Variants in TRHDE observed in about 807,000 individuals in gnomAD.
TRHDE encodes the protein thyrotropin releasing hormone degrading enzyme, also known as thyrotropin-releasing hormone-degrading ectoenzyme.
In TRHDE, 72 loss-of-function variants were observed where a neutral mutation model predicts 125.7. The observed-to-expected ratio is 0.57, with a 90% CI of 0.47 to 0.70. The LOEUF (loss-of-function observed/expected upper bound fraction) is 0.70, where lower values mean the gene tolerates loss of function less well. TRHDE is among the 30% of genes least tolerant of loss of function. The pLI is 0.00. For missense variants in TRHDE, 1,110 were observed against 1,327.1 expected, an observed-to-expected ratio of 0.84 and a Z score of 2.54; for synonymous variants, 509 against 509.1, an observed-to-expected ratio of 1.00 and a Z score of 0.00.
Position 72,337,723 on chromosome 12 carries a change from G to A in TRHDE, c.1189-40272G>A, listed in dbSNP as rs1448874459. Among the ~76,000 whole-genome samples, 5 of 151,984 alleles carry A rather than the reference G, an allele frequency of 3.3e-5. No homozygotes were observed. The East Asian group carries it at 9.7e-4, about 29-fold the overall frequency. On this transcript the variant is annotated intron_variant, in intron 2 of 18. Coordinates refer to ENST00000261180, the MANE Select transcript of TRHDE (RefSeq NM_013381.3). ...TTGAGTCAGACGAGTTCCTGCTTAT[G>A]TCTTTTGCTGGTCTAGATTCACTGC...
At chr12:72,150,245 T>C (rs1371602959) in intron 2 of TRHDE, among the ~76,000 whole-genome samples, 2 of 152,016 alleles carry the variant, frequency 1.3e-5, no homozygotes, top group Admixed American at 1.3e-4. Context: ...CATTAACTAG[T>C]GTGGTCAAAA....
intron 3 of TRHDE, among the ~76,000 whole-genome samples, chr12:72,380,803 C>T (rs899866796): frequency 7.2e-6 from 1 of 139,046 alleles, no homozygotes; most frequent in East Asian, 2.2e-4. Flanking sequence ...TCCTTCCTTC[C>T]TTCCTTCCTT....
intron 2 of TRHDE, among the ~76,000 whole-genome samples, chr12:72,203,287 C>T (rs966971714): frequency 6.6e-6 from 1 of 151,968 alleles, no homozygotes; most frequent in African/African-American, 2.4e-5. Flanking sequence ...CGGTGAAATC[C>T]CGTCTCTACT....
intron 3 of TRHDE, among the ~76,000 whole-genome samples, chr12:72,423,436 A>T (rs534293097): frequency 2.0e-4 from 31 of 152,262 alleles, no homozygotes; most frequent in African/African-American, 7.5e-4. Context: ...AATTCTGTTC[A>T]TCTCTTAAGG....
intron 2 of TRHDE, among the ~76,000 whole-genome samples, chr12:72,157,172 A>G (rs1390268540): frequency 6.7e-6 from 1 of 150,240 alleles, no homozygotes; most frequent in East Asian, 1.9e-4. Flanking sequence ...CAGTGGCGTG[A>G]TCTCAGCTCA....
chr12:72,192,812 A>G (rs1877366511), intron 2 of TRHDE, among the ~76,000 whole-genome samples: 1 of 152,122 alleles, frequency 6.6e-6, no homozygotes, highest in Non-Finnish European at 1.5e-5. Context: ...CTATTTTGCT[A>G]GTTGTTATCT....
At chr12:72,376,412 A>T (rs1239760641) in intron 2 of TRHDE, among the ~76,000 whole-genome samples, 1 of 152,090 alleles carries the variant, frequency 6.6e-6, no homozygotes, top group Non-Finnish European at 1.5e-5. Flanking sequence ...GGGGTAGGGG[A>T]TCCTAACCAC....
chr12:72,449,867 C>A (rs1464816905), intron 3 of TRHDE, among the ~76,000 whole-genome samples: 1 of 151,860 alleles, frequency 6.6e-6, no homozygotes, highest in Admixed American at 6.6e-5. Context: ...ATATTACCTC[C>A]TTTTTCTCCA....
intron 2 of TRHDE, among the ~76,000 whole-genome samples, chr12:72,258,485 G>T (rs4544048): frequency 0.19 from 29,169 of 151,928 alleles, 2,984 homozygotes; most frequent in Middle Eastern, 0.32. Context: ...TATAACTTTA[G>T]AGCTGCACAG....
At chr12:72,195,569 C>T (rs941421891) in intron 2 of TRHDE, among the ~76,000 whole-genome samples, 1 of 151,800 alleles carries the variant, frequency 6.6e-6, no homozygotes, top group Non-Finnish European at 1.5e-5. Flanking sequence ...CTGTTCATGT[C>T]TTTTGACCAT....
chr12:72,388,805 T>A (rs181423722), intron 3 of TRHDE, among the ~76,000 whole-genome samples: 141 of 151,982 alleles, frequency 9.3e-4, no homozygotes, highest in African/African-American at 3.0e-3. Flanking sequence ...TTATCATAGC[T>A]ATCCTATGGT....
chr12:72,088,756 T>C (rs1489958253), intron 1 of TRHDE, among the ~76,000 whole-genome samples: 2 of 152,134 alleles, frequency 1.3e-5, no homozygotes, highest in Non-Finnish European at 2.9e-5. Context: ...ATTGAAGCAT[T>C]GTAGGGCTCA....
At chr12:72,365,770 G>T (rs570279295) in intron 2 of TRHDE, among the ~76,000 whole-genome samples, 62 of 152,152 alleles carry the variant, frequency 4.1e-4, no homozygotes, top group Non-Finnish European at 8.1e-4. Context: ...CATTGCAGCC[G>T]TAAGAAATTT....
chr12:72,648,350 A>G (rs1874367623), intron 15 of TRHDE, among the ~76,000 whole-genome samples: 2 of 152,012 alleles, frequency 1.3e-5, no homozygotes, highest in African/African-American at 4.8e-5. Context: ...AAATCAGAAT[A>G]CCTCCTTTAA....
intron 2 of TRHDE, among the ~76,000 whole-genome samples, chr12:72,128,992 T>C (rs543117159): frequency 6.6e-6 from 1 of 152,276 alleles, no homozygotes; most frequent in East Asian, 1.9e-4. Flanking sequence ...ACATCATAAT[T>C]AAACTGCTCA....
chr12:72,413,274 A>C (rs915226850), intron 3 of TRHDE, among the ~76,000 whole-genome samples: 1 of 151,964 alleles, frequency 6.6e-6, no homozygotes, highest in African/African-American at 2.4e-5. Context: ...ATAGGTTTCT[A>C]GGCTTTTTAG....
intron 2 of TRHDE, among the ~76,000 whole-genome samples, chr12:72,131,314 C>T (rs553977495): frequency 1.0e-3 from 152 of 151,782 alleles, no homozygotes; most frequent in Non-Finnish European, 1.7e-3. Flanking sequence ...CCTTGTGATC[C>T]GCCCGCCTCG....
intron 2 of TRHDE, among the ~76,000 whole-genome samples, chr12:72,291,007 A>G (rs1165889143): frequency 6.6e-6 from 1 of 152,228 alleles, no homozygotes; most frequent in African/African-American, 2.4e-5. Flanking sequence ...CTGTTTTAAA[A>G]TTAACACAGT....
At chr12:72,487,445 C>T (rs1192274423) in intron 5 of TRHDE, among the ~76,000 whole-genome samples, 2 of 152,074 alleles carry the variant, frequency 1.3e-5, no homozygotes, top group Non-Finnish European at 2.9e-5. Context: ...GTGTATTTCT[C>T]AGCAGATATC....
Sources: allele counts gnomAD v4.1 joint callset (sites outside exome capture counted in the v4.1 genomes callset), GRCh38; gene constraint gnomAD v4.1.1; transcripts MANE v1.5; gene names NCBI Gene and HGNC (gene_info 2026-07-23, HGNC 2026-07-21).